SDK1: variants seen among roughly 807,000 people sequenced by gnomAD.
The protein encoded by SDK1 is protein sidekick-1.
In SDK1, 157 loss-of-function variants were observed where a neutral mutation model predicts 245.5. That is an observed-to-expected ratio of 0.64 (90% CI 0.56 to 0.73). SDK1 has a LOEUF of 0.73. Ranked by LOEUF, SDK1 falls within the 30% of genes least tolerant of loss-of-function variation. The probability of loss-of-function intolerance (pLI) is 0.00; values close to 1 mark genes in which losing one functional copy is unlikely to be tolerated. For synonymous variants in SDK1, 1,647 were observed against 1,278.5 expected, an observed-to-expected ratio of 1.29 and a Z score of -6.15; for missense variants, 3,583 against 3,002.3, an observed-to-expected ratio of 1.19 and a Z score of -4.52.
At position 3,983,507 on chromosome 7, in the gene SDK1, A is replaced by T. The variant is rs758788471; in HGVS notation, c.1995-3679A>T. On this transcript the variant is annotated intron_variant, in intron 13 of 44. Transcript: ENST00000404826. ...AGCATGAAGTATCTTTAAGGTGTGTACATGTTTTTTAGACATAATGCTATT... is the reference window on the plus strand; with the variant it reads ...AGCATGAAGTATCTTTAAGGTGTGTTCATGTTTTTTAGACATAATGCTATT... 1.1e-3 allele frequency among the ~76,000 whole-genome samples: 157 copies of T among 148,472 alleles called. 2 individuals carry two copies. The highest frequency in any genetic ancestry group is 3.3e-4 in the Non-Finnish European group (22 of 66,502).
At chr7:4,083,734 A>ACTTCCTCCCTCCCTCCTTTACTTGCTCCC (rs1562785192) in intron 22 of SDK1, among the ~76,000 whole-genome samples, 111 of 4,112 alleles carry the variant, frequency 0.027, 40 homozygotes, top group African/African-American at 0.058. Flanking sequence ...TACTTCCTCC[A>ACTTCCTCCCTCCCTCCTTTACTTGCTCCC]TCCCTCCCTT....
At chr7:3,812,241 A>G (rs1018736656) in intron 4 of SDK1, among the ~76,000 whole-genome samples, 4 of 152,216 alleles carry the variant, frequency 2.6e-5, no homozygotes, top group African/African-American at 9.7e-5. Flanking sequence ...CAGAGTAAAA[A>G]TGCAAATACA....
At chr7:3,331,572 T>C (rs968833119) in intron 1 of SDK1, among the ~76,000 whole-genome samples, 2 of 149,540 alleles carry the variant, frequency 1.3e-5, no homozygotes, top group African/African-American at 2.6e-5. Context: ...TGGGTCCTCT[T>C]TTCACTTTCT....
intron 31 of SDK1, among the ~76,000 whole-genome samples, chr7:4,159,101 A>G (rs1052799581): frequency 5.9e-5 from 9 of 152,226 alleles, no homozygotes; most frequent in African/African-American, 2.2e-4. Context: ...GGGATGGAAA[A>G]GAGTGGATGG....
rs572023101 is a variant in SDK1, at chr7:3,911,432, C to T, written c.848-39491C>T. Among the ~76,000 whole-genome samples the T allele has an allele frequency of 9.9e-4, 151 of 152,240 alleles. 1 individual carries two copies. The highest frequency in any genetic ancestry group is 1.8e-3 in the Non-Finnish European group (123 of 68,008). ...TCCAAGACCAAGGCACCAGCACATT[C>T]GGTGTCTGGTGAGGGCTCATTTCTT... On this transcript the variant is annotated intron_variant, in intron 5 of 44. Transcript: ENST00000404826.
intron 1 of SDK1, among the ~76,000 whole-genome samples, chr7:3,496,635 G>C (rs921082731): frequency 2.6e-5 from 4 of 151,992 alleles, no homozygotes; most frequent in African/African-American, 9.7e-5. Flanking sequence ...ATAATATATT[G>C]GTTTACACTT....
chr7:3,608,024 A>G (rs992691616), intron 1 of SDK1, among the ~76,000 whole-genome samples: 3 of 152,330 alleles, frequency 2.0e-5, no homozygotes, highest in East Asian at 3.9e-4. Flanking sequence ...GCTTTTGGCA[A>G]CGATTTAAAA....
At chr7:3,493,230 C>T (rs1021112886) in intron 1 of SDK1, among the ~76,000 whole-genome samples, 4 of 151,858 alleles carry the variant, frequency 2.6e-5, no homozygotes, top group African/African-American at 7.3e-5. Flanking sequence ...AGATTACAGG[C>T]GTCAACCACC....
intron 35 of SDK1, among the ~76,000 whole-genome samples, chr7:4,204,979 G>A (rs986979030): frequency 4.0e-5 from 6 of 151,870 alleles, no homozygotes; most frequent in Non-Finnish European, 8.8e-5. Flanking sequence ...GCGGAGGTGC[G>A]GCCACACCCC....
At chr7:3,360,672 C>G (rs764190108) in intron 1 of SDK1, among the ~76,000 whole-genome samples, 3 of 152,120 alleles carry the variant, frequency 2.0e-5, no homozygotes, top group Non-Finnish European at 4.4e-5. Flanking sequence ...GTTACCTTGG[C>G]CCAGTGCTGC....
intron 17 of SDK1, among the ~76,000 whole-genome samples, chr7:4,046,985 G>A (rs1789061737): frequency 1.3e-5 from 2 of 152,072 alleles, no homozygotes; most frequent in Admixed American, 1.3e-4. Context: ...ATATGATTCT[G>A]TATTGACTTA....
intron 1 of SDK1, among the ~76,000 whole-genome samples, chr7:3,562,200 C>T (rs1032306126): frequency 1.3e-5 from 2 of 152,230 alleles, no homozygotes; most frequent in African/African-American, 4.8e-5. Flanking sequence ...GCAAGACAGA[C>T]TCTTATCTCC....
intron 32 of SDK1, among the ~76,000 whole-genome samples, chr7:4,172,363 A>G (rs1029893394): frequency 1.3e-5 from 2 of 152,100 alleles, no homozygotes; most frequent in Admixed American, 6.6e-5. Context: ...TGAACGCGTG[A>G]GTGTTGTTCC....
At chr7:3,556,191 T>A (rs1779582557) in intron 1 of SDK1, among the ~76,000 whole-genome samples, 1 of 151,140 alleles carries the variant, frequency 6.6e-6, no homozygotes. Context: ...GATGAATGGA[T>A]AAAGAAAATG....
chr7:4,002,893 C>T (rs1424948692), intron 14 of SDK1, among the ~76,000 whole-genome samples: 1 of 152,236 alleles, frequency 6.6e-6, no homozygotes, highest in Admixed American at 6.5e-5. Context: ...CCAAGAGCTC[C>T]AGGTCGCTCT....
intron 35 of SDK1, among the ~76,000 whole-genome samples, chr7:4,203,697 T>C (rs1784026421): frequency 6.6e-6 from 1 of 152,208 alleles, no homozygotes; most frequent in African/African-American, 2.4e-5. Flanking sequence ...GGCAGAGCCT[T>C]CCTGAAAGTC....
intron 8 of SDK1, among the ~76,000 whole-genome samples, chr7:3,960,562 A>C (rs1006803105): frequency 6.6e-6 from 1 of 152,164 alleles, no homozygotes; most frequent in Admixed American, 6.5e-5. Context: ...GTAGAGGGAA[A>C]GATCAGCCTC....
intron 1 of SDK1, among the ~76,000 whole-genome samples, chr7:3,351,055 G>A (rs946094354): frequency 6.6e-6 from 1 of 152,006 alleles, no homozygotes; most frequent in Non-Finnish European, 1.5e-5. Flanking sequence ...AGTTTCACTG[G>A]GTAAAACTAG....
chr7:3,992,262 C>T (rs1438122917), intron 14 of SDK1, among the ~76,000 whole-genome samples: 10 of 152,216 alleles, frequency 6.6e-5, no homozygotes, highest in African/African-American at 1.7e-4. Context: ...TTGAACTGAG[C>T]CTGCACCCAT....
Sources: gnomAD v4.1 joint callset for allele counts (sites outside exome capture counted in the v4.1 genomes callset) on GRCh38, gnomAD v4.1.1 for gene constraint, MANE v1.5 for transcripts, NCBI Gene and HGNC (gene_info 2026-07-23, HGNC 2026-07-21) for gene names.